CIAO3: variants seen among roughly 807,000 people sequenced by gnomAD.
CIAO3 encodes the protein LET1 like/JFP15.
Under a neutral mutation model 51.5 loss-of-function variants are expected in CIAO3, and 45 were observed. That is an observed-to-expected ratio of 0.87 (90% CI 0.69 to 1.12). CIAO3 has a LOEUF of 1.12. Among genes scored for constraint, CIAO3 ranks in the 50% most tolerant of loss-of-function variants. The pLI, the probability that CIAO3 is intolerant of heterozygous loss-of-function variation, is 0.00. For synonymous variants in CIAO3, 314 were observed against 269.3 expected, an observed-to-expected ratio of 1.17 and a Z score of -1.63; for missense variants, 668 against 632.5, an observed-to-expected ratio of 1.06 and a Z score of -0.60.
In CIAO3 at chr16:731,710, G is replaced by C. The variant is rs1486756881; in HGVS notation, c.897-8C>G. ...GCAGAGGCACCGCTGCACCTGGCAA[G>C]GAGGGAGGGGCCTCAGCACAGCTGG... is the stretch of plus-strand genomic sequence containing the variant. On this transcript the variant is annotated splice_polypyrimidine_tract_variant and splice_region_variant and intron_variant, in intron 8 of 10. Transcript: ENST00000251588. 5 of 1,546,572 alleles carry C rather than the reference G, an allele frequency of 3.2e-6. No individual in the cohort carries two copies. The Admixed American group carries it at 9.5e-5, about 30-fold the overall frequency.
At position 731,686 on chromosome 16, in the gene CIAO3, C is replaced by T; in HGVS notation, c.913G>A (p.Ala305Thr). Residue 305 changes from alanine to threonine, a missense_variant, in exon 9 of 11, where the codon GCA (alanine) becomes ACA (threonine). Transcript: ENST00000251588. ...CCCCGATGGCTGGTGGGCTCCTCTG[C>T]AGAGGCACCGCTGCACCTGGCAAGG... Reference protein sequence around the residue: ...PLDSLCSGASAEEPTSHRGGG... With the variant: ...PLDSLCSGASTEEPTSHRGGG... 1.3e-6 allele frequency: 2 copies of T among 1,557,190 alleles called. No homozygotes were observed. The highest frequency in any genetic ancestry group is 8.7e-7 in the Non-Finnish European group (1 of 1,152,992).
At chr16:734,069 G>A in intron 6 of CIAO3, 160 bp downstream of exon 6, 2 of 666,158 alleles carry the variant, frequency 3.0e-6, no homozygotes, top group South Asian at 1.7e-5. Flanking sequence ...CTGCAGAAGA[G>A]GAAGGGCCTG....
chr16:734,525 G>T, intron 5 of CIAO3, 178 bp from the exon 6 acceptor site: 1 of 944,512 alleles, frequency 1.1e-6, no homozygotes, highest in Non-Finnish European at 1.7e-6. Flanking sequence ...AGGCGACACC[G>T]CCTAGGGACC....
In CIAO3 at chr16:729,800, G is replaced by A; in HGVS notation, c.*617C>T. 9.5e-7 allele frequency: 1 copy of A among 1,055,020 alleles called. No homozygotes were observed. Among genetic ancestry groups the A allele is most frequent in the Non-Finnish European group, 1.3e-6 (1 of 793,308 alleles). 65.4% of individuals were successfully genotyped at this position (1,055,020 alleles called of 1,614,324 possible). A position where few individuals can be genotyped will look rare whatever the true frequency, so the allele number is the denominator to read the frequency against. On this transcript the variant is annotated 3_prime_UTR_variant, in exon 11 of 11. Transcript: ENST00000251588. Reference sequence around the variant, plus strand: ...GGGGTGCGTTTATTAGACAAACGCTGGGAGACAGGCCTGGTGGGGACCTGG... The same window carrying A: ...GGGGTGCGTTTATTAGACAAACGCTAGGAGACAGGCCTGGTGGGGACCTGG...
chr16:739,664 C>T lies in CIAO3; in HGVS notation c.141G>A (p.Gly47=), dbSNP rs2041372340. 6.2e-7 allele frequency: 1 copy of T among 1,614,160 alleles called. No homozygotes were observed. The highest frequency in any genetic ancestry group is 8.5e-7 in the Non-Finnish European group (1 of 1,180,046). Residue 47 remains glycine, a synonymous_variant, in exon 2 of 11, where the codon GGG becomes GGA. Coordinates refer to ENST00000251588, the MANE Select transcript of CIAO3 (RefSeq NM_022493.3). ...TTACTTGGTTAATTTGGAAGTAGCT[C>T]CCGTCATCTTCAATGCGAATCTTGG... is the stretch of plus-strand genomic sequence containing the variant. ...GVAKIRIEDD[G]SYFQINQDGG...
Position 734,365 on chromosome 16 carries a change from A to G in CIAO3, c.575-18T>C. On this transcript the variant is annotated intron_variant, in intron 5 of 10. Coordinates refer to ENST00000251588, the MANE Select transcript of CIAO3 (RefSeq NM_022493.3). ...GATCCAGCCTGAGGTGACAGGGGGCACACGGGGCTGGCGGGGGCGCACGGC... is the reference window on the plus strand; with the variant it reads ...GATCCAGCCTGAGGTGACAGGGGGCGCACGGGGCTGGCGGGGGCGCACGGC... 6.3e-7 allele frequency: 1 copy of G among 1,588,640 alleles called. No individual in the cohort carries two copies. The highest frequency in any genetic ancestry group is 1.1e-5 in the South Asian group (1 of 90,518).
In CIAO3 at chr16:737,645, C is replaced by G; in HGVS notation, c.163-316G>C. The G allele has an allele frequency of 7.4e-7, 1 of 1,351,606 alleles. No individual in the cohort carries two copies. Among genetic ancestry groups the G allele is most frequent in the Non-Finnish European group, 9.7e-7 (1 of 1,030,228 alleles). The allele number at this position is 1,351,606 out of a possible 1,614,324, so 83.7% of individuals were successfully genotyped here. On this transcript the variant is annotated intron_variant, in intron 2 of 10. Coordinates refer to ENST00000251588, the MANE Select transcript of CIAO3 (RefSeq NM_022493.3). This position sits in a 1 kb window ranked among gnomAD's most constrained non-coding sequence, Gnocchi z 5.3. ...ATGGGGCCCTGGACGGGGTGCTGGC[C>G]CCGGTGCACACTCACAGGGCTGTAG...
Position 736,283 on chromosome 16 carries a change from G to A in CIAO3, c.422C>T (p.Ser141Leu), listed in dbSNP as rs768755961. 2.5e-6 allele frequency: 4 copies of A among 1,612,864 alleles called. No homozygotes were observed. The highest frequency in any genetic ancestry group is 3.4e-6 in the Non-Finnish European group (4 of 1,179,790). ...NPTDTARKLTSFFKKIGVHFV... is the reference protein window; with the variant it reads ...NPTDTARKLTLFFKKIGVHFV... ...AAGCCTACCTATTTTTTTAAAGAAT[G>A]AGGTTAATTTCCTGGCAGTATCTGT... The change falls in exon 4 of 11, where the codon TCA becomes TTA. Residue 141 changes from serine to leucine, a missense_variant. Physicochemically the swap from Ser to Leu is moderately radical, Grantham distance 145 (BLOSUM62 -2). Transcript: ENST00000251588.
Position 730,231 on chromosome 16 carries a change from A to G in CIAO3, c.*186T>C. On this transcript the variant is annotated 3_prime_UTR_variant, in exon 11 of 11. Transcript: ENST00000251588. ...ACCCCACCTGGGCAGAGCCAGTGGG[A>G]ACCCAGAGGCACCCAACTGGAGGTG... The G allele has an allele frequency of 1.6e-6, 1 of 629,740 alleles. No individual in the cohort carries two copies. Among genetic ancestry groups the G allele is most frequent in the Admixed American group, 2.9e-5 (1 of 34,680 alleles). 39.0% of individuals were successfully genotyped at this position (629,740 alleles called of 1,614,324 possible).
intron 9 of CIAO3, 71 bp downstream of exon 9, chr16:731,494 G>A (rs1185842007): frequency 6.8e-6 from 10 of 1,465,104 alleles, no homozygotes; most frequent in South Asian, 2.9e-5. Context: ...GACCCCAGGG[G>A]AGGCAGCAGC....
intron 5 of CIAO3, 123 bp from the exon 6 acceptor site, chr16:734,470 GTGCTCATTCC>G (rs2041317790): frequency 1.2e-6 from 1 of 841,478 alleles, no homozygotes. Flanking sequence ...ACATTAAAGA[GTGCTCATTCC>G]TGTTCTCCCC....
In CIAO3 at chr16:737,148, C is replaced by T; in HGVS notation, c.306+38G>A. The T allele has an allele frequency of 6.2e-7, 1 of 1,608,188 alleles. No homozygotes were observed. The highest frequency in any genetic ancestry group is 8.5e-7 in the Non-Finnish European group (1 of 1,175,554). On this transcript the variant is annotated intron_variant, in intron 3 of 10. Transcript: ENST00000251588. This position sits in a 1 kb window ranked among gnomAD's most constrained non-coding sequence, Gnocchi z 5.3. ...CGTTGTCGGCTGCTGGGATGGATTTCAGGTTAAAGCAGAGTCACCAGGCCG... is the reference window on the plus strand; with the variant it reads ...CGTTGTCGGCTGCTGGGATGGATTTTAGGTTAAAGCAGAGTCACCAGGCCG...
chr16:734,965 CGT>C, intron 4 of CIAO3, 94 bp from the exon 5 acceptor site: 1 of 1,427,004 alleles, frequency 7.0e-7, no homozygotes, highest in Non-Finnish European at 9.2e-7. Context: ...TGCCAGGGCA[CGT>C]GTGTCGCACC....
In CIAO3 at chr16:737,906, C is replaced by T; in HGVS notation, c.163-577G>A. ...CAACTTTTCTTACATGCAAAACGCA[C>T]CCAGCTCGAGCTCCCCCAACTTCTC... is the stretch of plus-strand genomic sequence containing the variant. On this transcript the variant is annotated intron_variant, in intron 2 of 10. Transcript: ENST00000251588. The surrounding 1 kb of genome is among the most constrained non-coding windows in gnomAD (Gnocchi z 5.3). 1 of 1,181,264 alleles carries T rather than the reference C, an allele frequency of 8.5e-7. No individual in the cohort carries two copies. The highest frequency in any genetic ancestry group is 3.9e-4 in the Middle Eastern group (1 of 2,576). 73.2% of individuals were successfully genotyped at this position (1,181,264 alleles called of 1,614,324 possible). A position where few individuals can be genotyped will look rare whatever the true frequency, so the allele number is the denominator to read the frequency against.
At chr16:740,684 C>T in intron 1 of CIAO3, 1 of 550,156 alleles carries the variant, frequency 1.8e-6, no homozygotes, top group South Asian at 2.1e-5. Context: ...CACCATGGGG[C>T]ACAGGAGCGG....
In CIAO3 at chr16:731,564, C is replaced by G. The variant is rs780143167; in HGVS notation, c.1034+1G>C. On this transcript the variant is annotated splice_donor_variant, in intron 9 of 10. Transcript: ENST00000251588. LOFTEE classifies it high-confidence loss of function. ...CCAGAGATCTGGCCCATCCCACTGA[C>G]CTCAGGGGTTTGTAGGTAACCTCAG... 6.4e-7 allele frequency: 1 copy of G among 1,564,508 alleles called. No homozygotes were observed.
chr16:738,029 A>C, intron 2 of CIAO3: 1 of 1,112,234 alleles, frequency 9.0e-7, no homozygotes. Flanking sequence ...CTGTGTGGGA[A>C]CCCCTCGCAG....
In CIAO3 at chr16:734,365, ACACGGGGCTGGCGGGGGCG is replaced by A. The variant is rs753617404; in HGVS notation, c.575-37_575-19del. On this transcript the variant is annotated intron_variant, in intron 5 of 10. Transcript: ENST00000251588. Reference sequence around the variant, plus strand: ...GATCCAGCCTGAGGTGACAGGGGGCACACGGGGCTGGCGGGGGCGCACGGCGGCCCCCGCACCCACAGGC... The same window carrying A: ...GATCCAGCCTGAGGTGACAGGGGGCACACGGCGGCCCCCGCACCCACAGGC... The A allele has an allele frequency of 1.9e-6, 3 of 1,588,638 alleles. No individual in the cohort carries two copies. The highest frequency in any genetic ancestry group is 2.6e-6 in the Non-Finnish European group (3 of 1,164,976).
chr16:740,871 G>C, intron 1 of CIAO3, 49 bp downstream of exon 1: 1 of 1,493,116 alleles, frequency 6.7e-7, no homozygotes, highest in Non-Finnish European at 9.0e-7. Flanking sequence ...CCCTCCGCGC[G>C]ACAGGGCACC....
Sources: gnomAD v4.1 joint callset for allele counts on GRCh38, gnomAD v4.1.1 for gene constraint, Gnocchi (gnomAD v3.1) non-coding constraint, MANE v1.5 for transcripts, NCBI Gene and HGNC (gene_info 2026-07-23, HGNC 2026-07-21) for gene names.